Variants in CACNA1B observed in about 807,000 individuals in gnomAD.
CACNA1B encodes voltage-dependent N-type calcium channel subunit alpha-1B.
A neutral mutation model predicts 247.2 loss-of-function variants in CACNA1B; 70 were observed. That is an observed-to-expected ratio of 0.28 (90% CI 0.23 to 0.35). The LOEUF is 0.35. CACNA1B is among the 10% of genes least tolerant of loss of function. CACNA1B has a pLI of 1.00. For synonymous variants in CACNA1B, 1,231 were observed against 1,294.4 expected, an observed-to-expected ratio of 0.95 and a Z score of 1.05; for missense variants, 2,367 against 3,197.4, an observed-to-expected ratio of 0.74 and a Z score of 6.26.
At position 137,973,803 on chromosome 9, in the gene CACNA1B, T is replaced by C. The variant is rs4876921; in HGVS notation, c.1544-2104T>C. Among the ~76,000 whole-genome samples the C allele has an allele frequency of 1, 152,177 of 152,320 alleles. 76,018 individuals are homozygous for C. Among genetic ancestry groups the C allele is most frequent in the Middle Eastern group, 1 (294 of 294 alleles). ...CTGAGTATGTGAGGCTGAGGGCCTC[T>C]GTTCCTAGGGAGAGTGAGAGGGCAG... On this transcript the variant is annotated intron_variant, in intron 11 of 46. Transcript: ENST00000371372. The surrounding 1 kb of genome is among the most constrained non-coding windows in gnomAD (Gnocchi z 4.1).
chr9:138,077,797 C>G lies in CACNA1B; in HGVS notation c.4950-317C>G, dbSNP rs1303132524. The stretch of plus-strand genomic sequence containing the variant: ...AGTCACCATTTCTGGAAATGAAGAC[C>G]AAGATGGCGTGTGTCTGGGAGGAGG... On this transcript the variant is annotated intron_variant, in intron 35 of 46. Coordinates refer to ENST00000371372, the MANE Select transcript of CACNA1B (RefSeq NM_000718.4). Among the ~76,000 whole-genome samples, 4 of 152,186 alleles carry G rather than the reference C, an allele frequency of 2.6e-5. 1 individual carries two copies. The East Asian group carries it at 7.7e-4, about 29-fold the overall frequency.
intron 34 of CACNA1B, among the ~76,000 whole-genome samples, chr9:138,074,277 G>T (rs1328025251): frequency 2.7e-5 from 4 of 146,254 alleles, no homozygotes; most frequent in Admixed American, 6.8e-5. Context: ...GTCTGGCTTT[G>T]TCACCCCGGC....
intron 15 of CACNA1B, among the ~76,000 whole-genome samples, chr9:137,995,357 T>C (rs544479369): frequency 4.6e-5 from 7 of 152,104 alleles, no homozygotes; most frequent in African/African-American, 1.4e-4. Flanking sequence ...TGGAAAAGAA[T>C]AGAGAACCCA....
chr9:137,933,414 G>C (rs1379152257), intron 6 of CACNA1B, among the ~76,000 whole-genome samples: 1 of 152,138 alleles, frequency 6.6e-6, no homozygotes, highest in African/African-American at 2.4e-5. Context: ...AATACAAAGT[G>C]GCACCTGCAA....
chr9:137,993,870 C>A (rs1294021242), intron 15 of CACNA1B, among the ~76,000 whole-genome samples: 1 of 151,988 alleles, frequency 6.6e-6, no homozygotes, highest in Non-Finnish European at 1.5e-5. Context: ...ACCCTAATAC[C>A]AAAACCAGGG....
chr9:138,052,033 TG>T lies in CACNA1B; in HGVS notation c.3711-56del. On this transcript the variant is annotated intron_variant, in intron 24 of 46. Transcript: ENST00000371372. The surrounding 1 kb of genome is among the most constrained non-coding windows in gnomAD (Gnocchi z 5.1). ...AGGACTCAGACCCTGGGGGGCCACG[TG>T]GGAGCTGGGCACACCCATGCCTCCT... The T allele has an allele frequency of 1.0e-6, 1 of 986,612 alleles. No homozygotes were observed. The highest frequency in any genetic ancestry group is 1.6e-6 in the Non-Finnish European group (1 of 623,694). 61.1% of individuals were successfully genotyped at this position (986,612 alleles called of 1,614,324 possible).
intron 23 of CACNA1B, among the ~76,000 whole-genome samples, chr9:138,048,095 G>A (rs182107003): frequency 1.3e-5 from 2 of 152,318 alleles, no homozygotes; most frequent in African/African-American, 2.4e-5. Context: ...ACAGGACAGC[G>A]TGTGCATATG....
At chr9:137,984,641 C>A (rs1958335218) in intron 13 of CACNA1B, among the ~76,000 whole-genome samples, 1 of 152,176 alleles carries the variant, frequency 6.6e-6, no homozygotes, top group Non-Finnish European at 1.5e-5. Flanking sequence ...GCCTACCTCC[C>A]CTGCAGCTCC....
At chr9:137,905,289 C>G (rs1332417986) in intron 3 of CACNA1B, among the ~76,000 whole-genome samples, 6 of 150,514 alleles carry the variant, frequency 4.0e-5, no homozygotes, top group African/African-American at 1.5e-4. Context: ...GGAGGCGGAG[C>G]TTGCAGTGAG....
intron 6 of CACNA1B, among the ~76,000 whole-genome samples, chr9:137,949,281 T>C (rs1249150563): frequency 4.3e-4 from 2 of 4,648 alleles, no homozygotes; most frequent in East Asian, 5.4e-3. Flanking sequence ...CTGGTGTGTG[T>C]GTTTGCGTGT....
chr9:137,971,386 C>T lies in CACNA1B; in HGVS notation c.1337C>T (p.Ser446Phe). ...DRFADLCAVG[S>F]PFARASLKSG... The stretch of plus-strand genomic sequence containing the variant: ...CAGTAACTCCCCATCCCCTCAGGAT[C>T]CCCCTTCGCCCGCGCCAGCCTCAAG... The change falls in exon 11 of 47, where the codon TCC becomes TTC. Residue 446 changes from serine (S) to phenylalanine (F), a missense_variant. Transcript: ENST00000371372. The surrounding 1 kb of genome is among the most constrained non-coding windows in gnomAD (Gnocchi z 4.4). 1 of 1,608,264 alleles carries T rather than the reference C, an allele frequency of 6.2e-7. No homozygotes were observed. Among genetic ancestry groups the T allele is most frequent in the Non-Finnish European group, 8.5e-7 (1 of 1,177,082 alleles).
intron 6 of CACNA1B, among the ~76,000 whole-genome samples, chr9:137,939,927 GC>G (rs1957713752): frequency 6.6e-6 from 1 of 152,026 alleles, no homozygotes; most frequent in Non-Finnish European, 1.5e-5. Context: ...CAAAGGCAGT[GC>G]TAAGAGGAAA....
At chr9:138,021,936 G>T (rs565365245) in intron 18 of CACNA1B, among the ~76,000 whole-genome samples, 1 of 152,344 alleles carries the variant, frequency 6.6e-6, no homozygotes, top group South Asian at 2.1e-4. Flanking sequence ...CTCAGATGAG[G>T]TTTCTCCCTG....
chr9:138,120,078 TG>T, intron 44 of CACNA1B, 86 bp from the exon 45 acceptor site: 1 of 1,152,884 alleles, frequency 8.7e-7, no homozygotes, highest in Non-Finnish European at 1.2e-6. Context: ...GCCTGCTGTC[TG>T]GCCTGCTCCA....
intron 3 of CACNA1B, among the ~76,000 whole-genome samples, chr9:137,889,312 G>T (rs371851853): frequency 0.013 from 1,960 of 150,260 alleles, 84 homozygotes; most frequent in African/African-American, 0.044. Context: ...GTGCCGGGTC[G>T]GGCTGGGGTT....
At chr9:137,879,001 G>A in intron 1 of CACNA1B, 53 bp from the exon 2 acceptor site, 1 of 1,195,990 alleles carries the variant, frequency 8.4e-7, no homozygotes, top group Non-Finnish European at 1.2e-6. Flanking sequence ...GCTGGCGTCG[G>A]CCTCGTGTTT....
chr9:138,117,903 A>C, intron 42 of CACNA1B, 43 bp from the exon 43 acceptor site: 1 of 1,496,374 alleles, frequency 6.7e-7, no homozygotes, highest in Non-Finnish European at 9.0e-7. Flanking sequence ...AGGCACCTGC[A>C]GTCTCTGACC....
rs200923679 is a variant in CACNA1B at position 138,107,006 on chromosome 9, AC to A, written c.5428+1201del. On this transcript the variant is annotated intron_variant, in intron 39 of 46. Coordinates refer to ENST00000371372, the MANE Select transcript of CACNA1B (RefSeq NM_000718.4). ...TCCATTTGCATTTTCTTCTCTTTGA[AC>A]CTTTTTTATCTGTTTCTCCGATCCC... Among the ~76,000 whole-genome samples the A allele has an allele frequency of 6.8e-3, 1,028 of 151,478 alleles. 13 individuals carry two copies. The highest frequency in any genetic ancestry group is 0.023 in the African/African-American group (966 of 41,258).
chr9:138,042,238 T>G (rs1437058702), intron 20 of CACNA1B, among the ~76,000 whole-genome samples: 3 of 152,206 alleles, frequency 2.0e-5, no homozygotes, highest in Non-Finnish European at 4.4e-5. Context: ...TCATTTGAGG[T>G]CAGAAGTTTG....
Sources: allele counts gnomAD v4.1 joint callset (sites outside exome capture counted in the v4.1 genomes callset), GRCh38; gene constraint gnomAD v4.1.1; non-coding constraint Gnocchi (gnomAD v3.1); transcripts MANE v1.5; gene names NCBI Gene and HGNC (gene_info 2026-07-23, HGNC 2026-07-21).